Variants in POC1B observed in about 807,000 individuals in gnomAD.
The protein encoded by POC1B is POC1 centriolar protein homolog B.
POC1B carries 44 observed loss-of-function variants against 60.6 expected under a neutral mutation model. That is an observed-to-expected ratio of 0.73 (90% CI 0.57 to 0.93). The LOEUF (loss-of-function observed/expected upper bound fraction) is 0.93, where lower values mean the gene tolerates loss of function less well. Among genes scored for constraint, POC1B ranks in the 40% least tolerant of loss-of-function variants. The pLI is 0.00. For synonymous variants in POC1B, 180 were observed against 198.9 expected (o/e 0.90, Z 0.80); for missense variants, 555 against 572.3 (o/e 0.97, Z 0.31).
In POC1B at chr12:89,526,004, G is replaced by C. The variant is rs1254222724; in HGVS notation, c.-109C>G. ...TGCGGCTCCCGGAACCGTCTGCCCAGAGCGGCAGCGCCTCCCGGTCACTAC... is the reference window on the plus strand; with the variant it reads ...TGCGGCTCCCGGAACCGTCTGCCCACAGCGGCAGCGCCTCCCGGTCACTAC... On this transcript the variant is annotated 5_prime_UTR_variant, in exon 1 of 12. Coordinates refer to ENST00000313546, the MANE Select transcript of POC1B (RefSeq NM_172240.3). 6.5e-7 allele frequency: 1 copy of C among 1,540,990 alleles called. No individual in the cohort carries two copies. The highest frequency in any genetic ancestry group is 8.7e-7 in the Non-Finnish European group (1 of 1,145,932).
downstream of POC1B, chr12:89,419,695 C>T (rs1592571314): frequency 6.6e-6 from 1 of 152,148 alleles, no homozygotes; most frequent in Non-Finnish European, 1.5e-5. Context: ...GGGTTTTAAT[C>T]ATTTAAAAAG....
chr12:89,502,398 A>G lies in POC1B; in HGVS notation c.101-5056T>C, dbSNP rs376983432. 3.6e-5 allele frequency: 55 copies of G among 1,547,944 alleles called. No individual in the cohort carries two copies. In the African/African-American group the frequency reaches 6.8e-4, roughly 19 times the overall value. On this transcript the variant is annotated intron_variant, in intron 2 of 11. Transcript: ENST00000313546. Reference sequence around the variant, plus strand: ...AAATAGATTATCAAGGAAGGCCATCAGGAGGATTCGTGATTAGTGGAATAC... The same window carrying G: ...AAATAGATTATCAAGGAAGGCCATCGGGAGGATTCGTGATTAGTGGAATAC...
At chr12:89,417,030 T>C (rs1402502343), downstream of POC1B, among the ~76,000 whole-genome samples, 1 of 152,250 alleles carries the variant, frequency 6.6e-6, no homozygotes, top group Non-Finnish European at 1.5e-5. Flanking sequence ...TCCATAATTA[T>C]TGAATAAACA....
intron 2 of POC1B, among the ~76,000 whole-genome samples, chr12:89,510,505 G>A (rs1452049584): frequency 6.6e-6 from 1 of 152,166 alleles, no homozygotes; most frequent in African/African-American, 2.4e-5. Flanking sequence ...GTTACTCTGA[G>A]GCTGCTCTAC....
chr12:89,483,184 G>A (rs1194123213), intron 4 of POC1B, among the ~76,000 whole-genome samples: 1 of 152,160 alleles, frequency 6.6e-6, no homozygotes, highest in East Asian at 1.9e-4. Context: ...TTACAGGTGT[G>A]AGCTACCATG....
intron 2 of POC1B, among the ~76,000 whole-genome samples, chr12:89,517,127 C>CT (rs1448265164): frequency 6.6e-6 from 1 of 152,192 alleles, no homozygotes; most frequent in Non-Finnish European, 1.5e-5. Flanking sequence ...AGCTTCATCT[C>CT]TGTTTACCAG....
chr12:89,415,422 T>C (rs1435809923), downstream of POC1B, among the ~76,000 whole-genome samples: 1 of 152,070 alleles, frequency 6.6e-6, no homozygotes, highest in African/African-American at 2.4e-5. Flanking sequence ...GGCGGGTGGA[T>C]CACGAGGTCA....
chr12:89,495,190 T>C (rs1869183707), intron 3 of POC1B, among the ~76,000 whole-genome samples: 2 of 152,222 alleles, frequency 1.3e-5, no homozygotes, highest in African/African-American at 4.8e-5. Flanking sequence ...AGTGAGCTTT[T>C]AGCTCATCTA....
chr12:89,490,949 G>C (rs1166563147), intron 4 of POC1B, among the ~76,000 whole-genome samples: 1 of 151,766 alleles, frequency 6.6e-6, no homozygotes, highest in Non-Finnish European at 1.5e-5. Flanking sequence ...TCCTAACAAG[G>C]TCTCCCTGCT....
intron 2 of POC1B, among the ~76,000 whole-genome samples, chr12:89,514,402 CTT>C (rs60679774): frequency 2.7e-3 from 183 of 67,086 alleles, no homozygotes; most frequent in African/African-American, 0.01. Flanking sequence ...TCATGTATTT[CTT>C]TTTTTTTTTT....
chr12:89,465,540 T>C (rs989624341), intron 9 of POC1B, among the ~76,000 whole-genome samples: 3 of 152,186 alleles, frequency 2.0e-5, no homozygotes, highest in Non-Finnish European at 2.9e-5. Flanking sequence ...TTAAAATATA[T>C]TTCACATGTA....
intron 2 of POC1B, among the ~76,000 whole-genome samples, chr12:89,504,524 T>A (rs950580335): frequency 6.6e-6 from 1 of 151,974 alleles, no homozygotes; most frequent in Non-Finnish European, 1.5e-5. Flanking sequence ...CACTTGTTTA[T>A]CTGCTGACCT....
At chr12:89,485,895 A>G (rs954777252) in intron 4 of POC1B, among the ~76,000 whole-genome samples, 5 of 152,210 alleles carry the variant, frequency 3.3e-5, no homozygotes, top group African/African-American at 1.2e-4. Context: ...GATACTCTAC[A>G]GTGCTTCTCA....
downstream of POC1B, among the ~76,000 whole-genome samples, chr12:89,416,988 C>G (rs565693557): frequency 6.6e-6 from 1 of 152,166 alleles, no homozygotes; most frequent in Non-Finnish European, 1.5e-5. Context: ...TATCAACTTA[C>G]CTTCTTTCCA....
rs187571165 is a variant in POC1B at position 89,505,028 on chromosome 12, C to T, written c.101-7686G>A. On this transcript the variant is annotated intron_variant, in intron 2 of 11. Coordinates refer to ENST00000313546, the MANE Select transcript of POC1B (RefSeq NM_172240.3). ...AACAACAACAAAAATAGGCAAAGGA[C>T]TTAAACAGGCACTTTGCAAAAGAAG... 1.8e-4 allele frequency among the ~76,000 whole-genome samples: 28 copies of T among 152,286 alleles called. No homozygotes were observed. In the East Asian group the frequency reaches 5.0e-3, roughly 27 times the overall value.
intron 10 of POC1B, among the ~76,000 whole-genome samples, chr12:89,439,685 A>G (rs909804431): frequency 5.3e-5 from 8 of 151,966 alleles, no homozygotes; most frequent in African/African-American, 1.9e-4. Context: ...GCTCACTGCA[A>G]CTCTGCCTCC....
rs1882596322 is a variant in POC1B, at chr12:89,464,456, T to C, written c.1032+2314A>G. On this transcript the variant is annotated intron_variant, in intron 9 of 11. Coordinates refer to ENST00000313546, the MANE Select transcript of POC1B (RefSeq NM_172240.3). Reference sequence around the variant, plus strand: ...CTAAAGTTGTTCCCTGTCTAGAAAATTTCATAACCTTGACTTTTTTATAAG... The same window carrying C: ...CTAAAGTTGTTCCCTGTCTAGAAAACTTCATAACCTTGACTTTTTTATAAG... Among the ~76,000 whole-genome samples, 2 of 151,190 alleles carry C rather than the reference T, an allele frequency of 1.3e-5. 1 individual carries two copies. The highest frequency in any genetic ancestry group is 4.9e-5 in the African/African-American group (2 of 41,196).
At chr12:89,453,931 A>C (rs180941390) in intron 10 of POC1B, among the ~76,000 whole-genome samples, 70 of 152,362 alleles carry the variant, frequency 4.6e-4, no homozygotes, top group African/African-American at 1.6e-3. Flanking sequence ...TCTCCATGAA[A>C]GTGTATAACC....
chr12:89,523,551 C>CA, intron 2 of POC1B: 1 of 1,599,542 alleles, frequency 6.3e-7, no homozygotes, highest in Admixed American at 1.7e-5. Context: ...CACCTCCCCA[C>CA]ACTTCCATTC....
Sources: allele counts gnomAD v4.1 joint callset (sites outside exome capture counted in the v4.1 genomes callset), GRCh38; gene constraint gnomAD v4.1.1; transcripts MANE v1.5; gene names NCBI Gene and HGNC (gene_info 2026-07-23, HGNC 2026-07-21).